COP1: variants seen among roughly 807,000 people sequenced by gnomAD.
COP1 encodes COP1 E3 ubiquitin ligase, also known as E3 ubiquitin-protein ligase COP1.
A neutral mutation model predicts 101.3 loss-of-function variants in COP1; 24 were observed. That is an observed-to-expected ratio of 0.24 (90% CI 0.17 to 0.33). The LOEUF (loss-of-function observed/expected upper bound fraction) is 0.33. Among genes scored for constraint, COP1 ranks in the 10% least tolerant of loss-of-function variants. The pLI is 1.00. For missense variants in COP1, 663 were observed against 906.2 expected (o/e 0.73, Z 3.45); for synonymous variants, 347 against 341.9 (o/e 1.01, Z -0.17).
At chr1:175,979,170 C>T (rs1384503130) in intron 18 of COP1, among the ~76,000 whole-genome samples, 1 of 152,076 alleles carries the variant, frequency 6.6e-6, no homozygotes, top group Non-Finnish European at 1.5e-5. Context: ...TTTCAAAATA[C>T]AGATCTATAC....
At chr1:176,000,256 A>G (rs1661263221) in intron 15 of COP1, among the ~76,000 whole-genome samples, 1 of 152,098 alleles carries the variant, frequency 6.6e-6, no homozygotes, top group South Asian at 2.1e-4. Context: ...TCTTTAATCC[A>G]TTGTGACTTG....
At chr1:176,115,611 TGGTGG>T in intron 9 of COP1, among the ~76,000 whole-genome samples, 1 of 151,488 alleles carries the variant, frequency 6.6e-6, no homozygotes, top group South Asian at 2.1e-4. Context: ...TAGCTGGGCG[TGGTGG>T]CGCGTGCCTG....
intron 5 of COP1, among the ~76,000 whole-genome samples, chr1:176,158,792 G>A (rs961514591): frequency 2.4e-4 from 36 of 151,602 alleles, no homozygotes; most frequent in Non-Finnish European, 4.7e-4. Context: ...GGCGCACACC[G>A]CCATACCCAG....
At position 176,095,472 on chromosome 1, in the gene COP1, C is replaced by T. The variant is rs1456584290; in HGVS notation, c.1027-9582G>A. Among the ~76,000 whole-genome samples the T allele has an allele frequency of 2.0e-5, 3 of 152,096 alleles. No individual in the cohort carries two copies. In the South Asian group the frequency reaches 6.2e-4, roughly 32 times the overall value. ...CCAAGGCAGGCAGATTGCTTGAGTC[C>T]GGATCCAGACCAGCCTGCGCAGCAT... On this transcript the variant is annotated intron_variant, in intron 9 of 19. Coordinates refer to ENST00000367669, the MANE Select transcript of COP1 (RefSeq NM_022457.7).
chr1:176,182,246 G>A (rs761752436), intron 2 of COP1, among the ~76,000 whole-genome samples: 5 of 152,212 alleles, frequency 3.3e-5, no homozygotes, highest in Non-Finnish European at 7.3e-5. Context: ...AGGAATTGAA[G>A]GAGTAAAAAG....
intron 9 of COP1, among the ~76,000 whole-genome samples, chr1:176,102,159 G>A (rs2149510166): frequency 6.6e-6 from 1 of 152,258 alleles, no homozygotes. Context: ...GCGGGGAGGA[G>A]CCTGGTCTCT....
chr1:176,144,704 G>C (rs1691291187), intron 6 of COP1, among the ~76,000 whole-genome samples: 1 of 152,036 alleles, frequency 6.6e-6, no homozygotes, highest in African/African-American at 2.4e-5. Flanking sequence ...GCAGAAAAGA[G>C]GACCTAGAAA....
intron 9 of COP1, among the ~76,000 whole-genome samples, chr1:176,093,954 C>T (rs956609896): frequency 2.0e-5 from 3 of 150,734 alleles, no homozygotes; most frequent in Non-Finnish European, 4.4e-5. Context: ...ACCCAGGAAG[C>T]GGAGGTTGTA....
At chr1:176,113,949 T>TTG (rs1553269820) in intron 9 of COP1, among the ~76,000 whole-genome samples, 4 of 151,322 alleles carry the variant, frequency 2.6e-5, no homozygotes, top group African/African-American at 7.3e-5. Context: ...GGTAGGGTTT[T>TTG]TTTTTTTTTT....
intron 14 of COP1, 24 bp from the exon 15 acceptor site, chr1:176,027,712 CAAA>C: frequency 7.2e-7 from 1 of 1,398,346 alleles, no homozygotes; most frequent in Non-Finnish European, 1.0e-6. Context: ...ACAATAAAAA[CAAA>C]AAGAGAAACA....
intron 18 of COP1, among the ~76,000 whole-genome samples, chr1:175,952,137 A>C (rs886558922): frequency 2.0e-5 from 3 of 152,142 alleles, no homozygotes; most frequent in Admixed American, 6.6e-5. Flanking sequence ...ATGACAAACA[A>C]GAGGCCAGGC....
At chr1:175,997,837 G>A (rs1165312248) in intron 15 of COP1, among the ~76,000 whole-genome samples, 4 of 152,008 alleles carry the variant, frequency 2.6e-5, no homozygotes, top group South Asian at 2.1e-4. Context: ...GAAAGTCAGC[G>A]TGGCAATTCC....
chr1:176,010,532 A>C (rs1166504447), intron 15 of COP1, among the ~76,000 whole-genome samples: 2 of 152,186 alleles, frequency 1.3e-5, no homozygotes, highest in Non-Finnish European at 2.9e-5. Context: ...ATTTGTCTAA[A>C]TGTTTTCTTA....
intron 14 of COP1, among the ~76,000 whole-genome samples, chr1:176,037,560 AAAC>A (rs1441520164): frequency 2.0e-5 from 3 of 152,050 alleles, no homozygotes; most frequent in African/African-American, 7.3e-5. Context: ...AAAAACAAAC[AAAC>A]AAAAAAACCT....
intron 8 of COP1, among the ~76,000 whole-genome samples, chr1:176,131,371 A>T (rs752916937): frequency 2.4e-4 from 37 of 151,808 alleles, no homozygotes; most frequent in Admixed American, 6.6e-5. Context: ...GTAGAATATA[A>T]AGTTCTGTGG....
At chr1:176,190,329 T>C (rs1305361218) in intron 1 of COP1, among the ~76,000 whole-genome samples, 1 of 152,060 alleles carries the variant, frequency 6.6e-6, no homozygotes, top group East Asian at 1.9e-4. Context: ...AAATTTCAGA[T>C]TTTTGGATTA....
At chr1:176,167,406 CTGAA>C (rs58699487) in intron 3 of COP1, among the ~76,000 whole-genome samples, 29,237 of 150,880 alleles carry the variant, frequency 0.19, 2,836 homozygotes, top group African/African-American at 0.21. Context: ...CTGGTATTTG[CTGAA>C]TGAATGAATG....
intron 1 of COP1, among the ~76,000 whole-genome samples, chr1:176,196,881 CAAA>C (rs1251212971): frequency 1.5e-5 from 1 of 67,826 alleles, no homozygotes; most frequent in East Asian, 4.6e-4. Flanking sequence ...TGTCTCTACG[CAAA>C]AAAAAAAAAG....
At chr1:176,064,387 A>C (rs970319663) in intron 11 of COP1, among the ~76,000 whole-genome samples, 1 of 152,230 alleles carries the variant, frequency 6.6e-6, no homozygotes, top group East Asian at 1.9e-4. Context: ...ATATATGCTC[A>C]AAAATATTAG....
Sources: allele counts gnomAD v4.1 joint callset (sites outside exome capture counted in the v4.1 genomes callset), GRCh38; gene constraint gnomAD v4.1.1; transcripts MANE v1.5; gene names NCBI Gene and HGNC (gene_info 2026-07-23, HGNC 2026-07-21).